WNT2: variants seen among roughly 807,000 people sequenced by gnomAD.
WNT2 encodes protein Wnt-2.
A neutral mutation model predicts 36.9 loss-of-function variants in WNT2; 12 were observed. The observed-to-expected ratio is 0.33, with a 90% CI of 0.21 to 0.53. The LOEUF (loss-of-function observed/expected upper bound fraction) is 0.53. Ranked by LOEUF, WNT2 falls within the 20% of genes least tolerant of loss-of-function variation. The pLI is 0.95. For synonymous variants in WNT2, 163 were observed against 174.6 expected, an observed-to-expected ratio of 0.93 and a Z score of 0.52; for missense variants, 379 against 473.1, an observed-to-expected ratio of 0.80 and a Z score of 1.84.
At chr7:117,299,788 G>A (rs2116360114) in intron 3 of WNT2, among the ~76,000 whole-genome samples, 1 of 152,280 alleles carries the variant, frequency 6.6e-6, no homozygotes. Flanking sequence ...GTGAGCCAAT[G>A]CATCTGGTCT....
chr7:117,278,673 C>T (rs1292257870), intron 4 of WNT2, among the ~76,000 whole-genome samples: 6 of 152,198 alleles, frequency 3.9e-5, no homozygotes, highest in East Asian at 1.9e-4. Flanking sequence ...TGAGTTGGAT[C>T]GACTTTTCAG....
At chr7:117,309,428 C>A (rs1017585689) in intron 3 of WNT2, among the ~76,000 whole-genome samples, 1 of 152,038 alleles carries the variant, frequency 6.6e-6, no homozygotes, top group Non-Finnish European at 1.5e-5. Context: ...AAATTTTGGA[C>A]CCCCTCACCC....
chr7:117,300,099 T>C (rs1230978187), intron 3 of WNT2, among the ~76,000 whole-genome samples: 1 of 152,178 alleles, frequency 6.6e-6, no homozygotes. Context: ...GCTTGGAGCA[T>C]GTGCTGATTC....
At chr7:117,291,497 C>T (rs1490206449) in intron 4 of WNT2, among the ~76,000 whole-genome samples, 2 of 152,136 alleles carry the variant, frequency 1.3e-5, no homozygotes, top group East Asian at 1.9e-4. Flanking sequence ...TTTACAGATG[C>T]CTGGAGCAGT....
intron 4 of WNT2, 99 bp downstream of exon 4, chr7:117,297,513 C>T (rs1038094391): frequency 7.0e-7 from 1 of 1,430,582 alleles, no homozygotes; most frequent in African/African-American, 1.4e-5. Context: ...GAGCTTTGAA[C>T]CTAAAGAGAG....
chr7:117,296,332 C>G (rs566972805), intron 4 of WNT2, among the ~76,000 whole-genome samples: 6 of 152,298 alleles, frequency 3.9e-5, no homozygotes, highest in African/African-American at 1.4e-4. Context: ...CTGCGGAGAA[C>G]TAGCTCATCA....
intron 3 of WNT2, among the ~76,000 whole-genome samples, chr7:117,305,902 C>T (rs1018723928): frequency 5.3e-5 from 8 of 152,258 alleles, no homozygotes; most frequent in Middle Eastern, 3.4e-3. Context: ...CCGACTTCCG[C>T]GGAGTTCTGC....
chr7:117,289,277 C>G (rs1185027414), intron 4 of WNT2, among the ~76,000 whole-genome samples: 1 of 152,036 alleles, frequency 6.6e-6, no homozygotes, highest in African/African-American at 2.4e-5. Context: ...CCAGGATGGT[C>G]TTGATCTCCT....
chr7:117,320,616 G>A lies in WNT2; in HGVS notation c.261C>T (p.Cys87=), dbSNP rs763664626. 8 of 1,614,032 alleles carry A rather than the reference G, an allele frequency of 5.0e-6. No homozygotes were observed. Among genetic ancestry groups the A allele is most frequent in the Non-Finnish European group, 6.8e-6 (8 of 1,179,962 alleles). Residue 87 remains cysteine (C), a synonymous_variant, in exon 2 of 5, where the codon TGC becomes TGT. Transcript: ENST00000265441. ...GGCTGTGATCCCTGTCCAGGGTGTT[G>A]CAATTCCAGCGGTGCTGGCGGAACT... ...QHQFRQHRWN[C]NTLDRDHSLF...
Position 117,315,178 on chromosome 7 carries a change from T to C in WNT2, c.481A>G (p.Ile161Val). ...IFDWGGCSDN[I>V]DYGIKFARAF... ...CGGGCAAATTTGATCCCATAGTCAA[T>C]GTTATCACTGCAGCCACCCCAATCA... The change falls in exon 3 of 5, where the codon ATT (isoleucine) becomes GTT (valine). Residue 161 changes from isoleucine to valine, a missense_variant. Physicochemically the swap from Ile to Val is conservative, Grantham distance 29. Transcript: ENST00000265441. 6.8e-6 allele frequency: 11 copies of C among 1,614,186 alleles called. No homozygotes were observed. The highest frequency in any genetic ancestry group is 9.3e-6 in the Non-Finnish European group (11 of 1,180,036).
At chr7:117,317,820 C>T (rs1461381940) in intron 2 of WNT2, among the ~76,000 whole-genome samples, 2 of 152,120 alleles carry the variant, frequency 1.3e-5, no homozygotes, top group African/African-American at 4.8e-5. Flanking sequence ...CCTAGGAAGG[C>T]AAAACTCTAG....
At chr7:117,310,320 C>G (rs1486319928) in intron 3 of WNT2, among the ~76,000 whole-genome samples, 1 of 152,084 alleles carries the variant, frequency 6.6e-6, no homozygotes, top group Non-Finnish European at 1.5e-5. Flanking sequence ...AATCCTAGCA[C>G]TTTGAGAGGA....
intron 4 of WNT2, among the ~76,000 whole-genome samples, chr7:117,290,408 G>A (rs1794667822): frequency 6.6e-6 from 1 of 152,168 alleles, no homozygotes; most frequent in Non-Finnish European, 1.5e-5. Context: ...CCACTAAAGA[G>A]TTTGAAAAGA....
At chr7:117,290,634 TATAAG>T (rs757990008) in intron 4 of WNT2, among the ~76,000 whole-genome samples, 13 of 152,248 alleles carry the variant, frequency 8.5e-5, no homozygotes, top group Non-Finnish European at 1.5e-4. Context: ...AAATGACATA[TATAAG>T]ATAAGACCTT....
chr7:117,295,242 T>G (rs1354579800), intron 4 of WNT2, among the ~76,000 whole-genome samples: 4 of 152,212 alleles, frequency 2.6e-5, no homozygotes, highest in Non-Finnish European at 4.4e-5. Context: ...CTTTAACCTC[T>G]TAGAGCTTCA....
chr7:117,288,408 T>G (rs1200414328), intron 4 of WNT2, among the ~76,000 whole-genome samples: 1 of 152,074 alleles, frequency 6.6e-6, no homozygotes, highest in Non-Finnish European at 1.5e-5. Flanking sequence ...AGTCTCCTTA[T>G]AGATCACACA....
rs372725841 is a variant in WNT2 at position 117,319,105 on chromosome 7, C to T, written c.310+1462G>A. On this transcript the variant is annotated intron_variant, in intron 2 of 4. Transcript: ENST00000265441. ...AAAAAATCCTGATATGTTTTAAACA[C>T]TGAGAGCCATGCATAATATATCCAA... 2.0e-5 allele frequency among the ~76,000 whole-genome samples: 3 copies of T among 152,272 alleles called. No individual in the cohort carries two copies. In the South Asian group the frequency reaches 6.2e-4, roughly 32 times the overall value.
intron 2 of WNT2, among the ~76,000 whole-genome samples, chr7:117,319,308 T>C (rs921542355): frequency 1.3e-5 from 2 of 152,222 alleles, no homozygotes; most frequent in Non-Finnish European, 2.9e-5. Flanking sequence ...CAGAAGAATA[T>C]AGTTCTTAAA....
At chr7:117,301,277 T>C (rs1794901178) in intron 3 of WNT2, among the ~76,000 whole-genome samples, 1 of 152,142 alleles carries the variant, frequency 6.6e-6, no homozygotes, top group Non-Finnish European at 1.5e-5. Flanking sequence ...ATCTCTTCTA[T>C]GTACTGGGTT....
Sources: allele counts gnomAD v4.1 joint callset (sites outside exome capture counted in the v4.1 genomes callset), GRCh38; gene constraint gnomAD v4.1.1; transcripts MANE v1.5; gene names NCBI Gene and HGNC (gene_info 2026-07-23, HGNC 2026-07-21).